The following ATAD2B variants were observed in gnomAD, a reference collection of about 807,000 sequenced individuals.
The protein encoded by ATAD2B is ATPase family AAA domain containing 2B.
In ATAD2B, 40 loss-of-function variants were observed where a neutral mutation model predicts 167.6. The observed-to-expected ratio is 0.24, with a 90% CI of 0.19 to 0.31. The LOEUF is 0.31. Ranked by LOEUF, ATAD2B falls within the 10% of genes least tolerant of loss-of-function variation. The pLI, the probability that ATAD2B is intolerant of heterozygous loss-of-function variation, is 1.00. For missense variants in ATAD2B, 1,242 were observed against 1,757.2 expected (o/e 0.71, Z 5.24); for synonymous variants, 579 against 596.5 (o/e 0.97, Z 0.43).
At chr2:23,735,683 G>A in the ATAD2B span, among the ~76,000 whole-genome samples, 1 of 152,164 alleles carries the variant, frequency 6.6e-6, no homozygotes. Context: ...CAGTAAGAAG[G>A]AGAAACTTCA....
At chr2:23,703,139 G>T in the ATAD2B span, 2 of 1,345,666 alleles carry the variant, frequency 1.5e-6, no homozygotes, top group Non-Finnish European at 1.9e-6. Flanking sequence ...CCTCTGCCCC[G>T]CACAAGGTCC....
chr2:23,844,542 T>C (rs999783282), intron 13 of ATAD2B, among the ~76,000 whole-genome samples: 1 of 152,158 alleles, frequency 6.6e-6, no homozygotes, highest in African/African-American at 2.4e-5. Context: ...ATTCCAGATA[T>C]TGAAAAGTTC....
the ATAD2B span, among the ~76,000 whole-genome samples, chr2:23,712,197 CT>C: frequency 6.6e-6 from 1 of 152,208 alleles, no homozygotes; most frequent in Non-Finnish European, 1.5e-5. Flanking sequence ...TACACAGCCC[CT>C]CCAAGTCTGC....
Position 23,880,767 on chromosome 2 carries a change from C to A in ATAD2B, c.785-12G>T. The A allele has an allele frequency of 6.7e-7, 1 of 1,489,702 alleles. No individual in the cohort carries two copies. The highest frequency in any genetic ancestry group is 1.4e-5 in the African/African-American group (1 of 72,438). The allele number at this position is 1,489,702 out of a possible 1,614,324, so 92.3% of individuals were successfully genotyped here. A position where few individuals can be genotyped will look rare whatever the true frequency, so the allele number is the denominator to read the frequency against. ...CTCCTCTTGAGATTCTAGTTTCCCA[C>A]ACACAAAAAGAAAAGAAAAAGGCAT... is the stretch of plus-strand genomic sequence containing the variant. On this transcript the variant is annotated splice_polypyrimidine_tract_variant and intron_variant, in intron 6 of 27. Transcript: ENST00000238789.
Position 23,926,806 on chromosome 2 carries a change from G to C in ATAD2B, c.-36C>G, listed in dbSNP as rs898970079. 6.7e-7 allele frequency: 1 copy of C among 1,482,044 alleles called. No homozygotes were observed. The highest frequency in any genetic ancestry group is 9.0e-7 in the Non-Finnish European group (1 of 1,115,054). 91.8% of individuals were successfully genotyped at this position (1,482,044 alleles called of 1,614,324 possible). A position where few individuals can be genotyped will look rare whatever the true frequency, so the allele number is the denominator to read the frequency against. Reference sequence around the variant, plus strand: ...GGGGGACGGAGTCCACGCCGCGCCCGGGAGAGCCGAGCAAGGCCGGCCCGC... The same window carrying C: ...GGGGGACGGAGTCCACGCCGCGCCCCGGAGAGCCGAGCAAGGCCGGCCCGC... On this transcript the variant is annotated 5_prime_UTR_variant, in exon 1 of 28. Transcript: ENST00000238789.
At chr2:23,923,381 T>C (rs891463383) in intron 1 of ATAD2B, among the ~76,000 whole-genome samples, 4 of 152,206 alleles carry the variant, frequency 2.6e-5, no homozygotes, top group Non-Finnish European at 4.4e-5. Flanking sequence ...GTTTCACTTA[T>C]GCCAGATAAG....
intron 25 of ATAD2B, chr2:23,754,985 T>C: frequency 2.3e-6 from 1 of 433,048 alleles, no homozygotes; most frequent in South Asian, 3.6e-5. Context: ...AAACTACAAC[T>C]TAAAAAGCCA....
intron 7 of ATAD2B, among the ~76,000 whole-genome samples, chr2:23,877,495 G>A (rs1573196254): frequency 8.9e-6 from 1 of 111,898 alleles, no homozygotes; most frequent in African/African-American, 3.4e-5. Context: ...AGGAAGGGAA[G>A]GGAAGGGAAG....
chr2:23,780,865 C>T (rs532953437), intron 22 of ATAD2B, among the ~76,000 whole-genome samples: 1 of 152,262 alleles, frequency 6.6e-6, no homozygotes, highest in African/African-American at 2.4e-5. Flanking sequence ...TATCGCGCCA[C>T]TGCACTCCAG....
chr2:23,858,144 A>G (rs1392692942), intron 12 of ATAD2B, among the ~76,000 whole-genome samples: 5 of 148,796 alleles, frequency 3.4e-5, no homozygotes, highest in African/African-American at 1.2e-4. Context: ...TTTTTGAGAC[A>G]GAGTCTTGCT....
intron 13 of ATAD2B, among the ~76,000 whole-genome samples, chr2:23,840,064 T>C (rs1247508584): frequency 6.6e-6 from 1 of 152,198 alleles, no homozygotes; most frequent in Non-Finnish European, 1.5e-5. Flanking sequence ...GATAATAGTT[T>C]ATTCTTTTTA....
At chr2:23,708,329 G>A in the ATAD2B span, 2 of 152,226 alleles carry the variant, frequency 1.3e-5, no homozygotes, top group East Asian at 1.9e-4. Context: ...CAGGGTGCAA[G>A]TGTGAACCCA....
At chr2:23,868,048 T>C in intron 9 of ATAD2B, 102 bp from the exon 10 acceptor site, 1 of 743,816 alleles carries the variant, frequency 1.3e-6, no homozygotes, top group South Asian at 1.8e-5. Context: ...TTTCTCCTTT[T>C]TCTCATAACC....
At chr2:23,746,352 C>T (rs1454912159), downstream of ATAD2B, among the ~76,000 whole-genome samples, 2 of 152,130 alleles carry the variant, frequency 1.3e-5, no homozygotes, top group African/African-American at 2.4e-5. Context: ...ATAATAGCAC[C>T]TATCTCATAA....
chr2:23,692,681 AGGCCCTGGGAGGGACAGTATT>A, the ATAD2B span, among the ~76,000 whole-genome samples: 1 of 151,498 alleles, frequency 6.6e-6, no homozygotes, highest in South Asian at 2.1e-4. Flanking sequence ...AAAGAGTGCA[AGGCCCTGGGAGGGACAGTATT>A]GGGTAAACAG....
downstream of ATAD2B, among the ~76,000 whole-genome samples, chr2:23,747,578 G>A (rs1368251864): frequency 8.6e-5 from 13 of 151,916 alleles, 1 homozygote; most frequent in Admixed American, 6.6e-4. Context: ...ATAATTAATT[G>A]GTTCCCTTCC....
At chr2:23,756,562 G>A (rs958369092) in intron 25 of ATAD2B, among the ~76,000 whole-genome samples, 1 of 152,116 alleles carries the variant, frequency 6.6e-6, no homozygotes, top group African/African-American at 2.4e-5. Flanking sequence ...CCCAGACCCT[G>A]CTATGGGCTA....
intron 13 of ATAD2B, among the ~76,000 whole-genome samples, chr2:23,845,267 C>T (rs1380257319): frequency 6.6e-6 from 1 of 152,098 alleles, no homozygotes; most frequent in Non-Finnish European, 1.5e-5. Context: ...TTGCATTGAA[C>T]GTTCACAGTA....
intron 17 of ATAD2B, among the ~76,000 whole-genome samples, chr2:23,816,034 T>G (rs894617257): frequency 6.6e-6 from 1 of 152,150 alleles, no homozygotes; most frequent in Admixed American, 6.5e-5. Flanking sequence ...ATGGGCACTT[T>G]TACAAAACAT....
Sources: allele counts gnomAD v4.1 joint callset (sites outside exome capture counted in the v4.1 genomes callset), GRCh38; gene constraint gnomAD v4.1.1; transcripts MANE v1.5; gene names NCBI Gene and HGNC (gene_info 2026-07-23, HGNC 2026-07-21).